ZNF713: variants seen among roughly 807,000 people sequenced by gnomAD.
ZNF713 encodes the protein zinc finger protein 713.
A neutral mutation model predicts 28.7 loss-of-function variants in ZNF713; 21 were observed. That is an observed-to-expected ratio of 0.73 (90% CI 0.52 to 1.05). The LOEUF (loss-of-function observed/expected upper bound fraction) is 1.05, where lower values mean the gene tolerates loss of function less well. ZNF713 is among the 50% of genes least tolerant of loss of function. The pLI is 0.00. For missense variants in ZNF713, 458 were observed against 532.4 expected, an observed-to-expected ratio of 0.86 and a Z score of 1.37; for synonymous variants, 167 against 178.0, an observed-to-expected ratio of 0.94 and a Z score of 0.49.
In ZNF713 at chr7:55,940,904, C is replaced by G. The variant is rs1425823394; in HGVS notation, c.*898C>G. The stretch of plus-strand genomic sequence containing the variant: ...GATCTCGGCTCACAGCAACCTCCAC[C>G]TCCTGGGTTCCAGCGATTCTTCTGC... On this transcript the variant is annotated 3_prime_UTR_variant, in exon 7 of 7. Coordinates refer to ENST00000429591, the MANE Select transcript of ZNF713 (RefSeq NM_182633.3). 6.9e-6 allele frequency: 1 copy of G among 144,842 alleles called. No individual in the cohort carries two copies. Among genetic ancestry groups the G allele is most frequent in the Non-Finnish European group, 1.5e-5 (1 of 66,214 alleles). 9.0% of individuals were successfully genotyped at this position (144,842 alleles called of 1,614,324 possible).
chr7:55,903,870 G>A (rs1404978440), intron 1 of ZNF713, among the ~76,000 whole-genome samples: 1 of 152,118 alleles, frequency 6.6e-6, no homozygotes, highest in African/African-American at 2.4e-5. Context: ...AGTAACTGCA[G>A]AGAGCAGAAA....
rs1786419649 is a variant in ZNF713, at chr7:55,939,457, T to G, written c.783T>G (p.Ser261Arg). 4 of 1,614,094 alleles carry G rather than the reference T, an allele frequency of 2.5e-6. No homozygotes were observed. The highest frequency in any genetic ancestry group is 3.4e-6 in the Non-Finnish European group (4 of 1,180,032). The change falls in exon 7 of 7, where the codon AGT becomes AGG. Residue 261 changes from serine to arginine, a missense_variant. Coordinates refer to ENST00000429591, the MANE Select transcript of ZNF713 (RefSeq NM_182633.3). ...ATATTCATACTGCAGAGAAACCCAG[T>G]GAGTGTGGGAAGGCCTTCAGCCACA... ...TDHIHTAEKP[S>R]ECGKAFSHTS...
chr7:55,899,413 C>T (rs1168991888), intron 1 of ZNF713, among the ~76,000 whole-genome samples: 1 of 97,762 alleles, frequency 1.0e-5, no homozygotes, highest in African/African-American at 4.0e-5. Context: ...GCCTGTAATC[C>T]CAGCACTTTG....
At chr7:55,917,704 C>CA (rs59443993) in intron 4 of ZNF713, among the ~76,000 whole-genome samples, 41,097 of 122,834 alleles carry the variant, frequency 0.33, 6,204 homozygotes, top group Middle Eastern at 0.45. Flanking sequence ...GACCCTGTCT[C>CA]AAAAAAAAAA....
chr7:55,929,594 A>C (rs1009018049), intron 6 of ZNF713, among the ~76,000 whole-genome samples: 1 of 152,162 alleles, frequency 6.6e-6, no homozygotes, highest in African/African-American at 2.4e-5. Flanking sequence ...TGAAACTATA[A>C]GAGATCTGGA....
intron 2 of ZNF713, among the ~76,000 whole-genome samples, chr7:55,909,565 T>C (rs1459730506): frequency 6.6e-6 from 1 of 152,224 alleles, no homozygotes; most frequent in Non-Finnish European, 1.5e-5. Context: ...TTGTTTCTAA[T>C]TCTGTGAAAA....
At chr7:55,929,290 C>T (rs999531054) in intron 6 of ZNF713, among the ~76,000 whole-genome samples, 3 of 151,966 alleles carry the variant, frequency 2.0e-5, no homozygotes, top group East Asian at 3.9e-4. Context: ...TTAAAATATA[C>T]AGTAAAATTT....
chr7:55,890,337 C>T (rs1037987887), intron 1 of ZNF713, among the ~76,000 whole-genome samples: 1 of 151,258 alleles, frequency 6.6e-6, no homozygotes, highest in Non-Finnish European at 1.5e-5. Flanking sequence ...GTAATCCCAG[C>T]AACTTGGGAA....
chr7:55,912,750 A>G, intron 4 of ZNF713, 27 bp downstream of exon 4: 1 of 1,580,342 alleles, frequency 6.3e-7, no homozygotes, highest in Non-Finnish European at 8.7e-7. Flanking sequence ...TCTCCTCTGA[A>G]ATGCCAGTGT....
rs139275645 is a variant in ZNF713 at position 55,920,756 on chromosome 7, CTTTATTTATTTATTTA to C, written c.88-2382_88-2367del. Among the ~76,000 whole-genome samples the C allele has an allele frequency of 2.9e-4, 43 of 149,034 alleles. No individual in the cohort carries two copies. The East Asian group carries it at 3.6e-3, about 12-fold the overall frequency. On this transcript the variant is annotated intron_variant, in intron 4 of 6. Coordinates refer to ENST00000429591, the MANE Select transcript of ZNF713 (RefSeq NM_182633.3). ...TATTGGAAGAAGATGCCATCTAGGA[CTTTATTTATTTATTTA>C]TTTATTTATTTATTTATTTATTTTT...
At chr7:55,936,041 G>A (rs1786338151) in intron 6 of ZNF713, among the ~76,000 whole-genome samples, 1 of 151,714 alleles carries the variant, frequency 6.6e-6, no homozygotes, top group South Asian at 2.1e-4. Flanking sequence ...GAGGCAGGTG[G>A]ATCATTTGAG....
In ZNF713 at chr7:55,939,217, G is replaced by A; in HGVS notation, c.543G>A (p.Glu181=). The change falls in exon 7 of 7, where the codon GAG becomes GAA. Residue 181 remains glutamate (E), a synonymous_variant. Coordinates refer to ENST00000429591, the MANE Select transcript of ZNF713 (RefSeq NM_182633.3). ...HKKITQERSL[E]CNKFAENCNL... ...AGATCACACAGGAGAGAAGCCTTGA[G>A]TGTAATAAATTTGCAGAAAACTGTA... The A allele has an allele frequency of 1.2e-6, 2 of 1,613,994 alleles. No individual in the cohort carries two copies. Among genetic ancestry groups the A allele is most frequent in the Non-Finnish European group, 1.7e-6 (2 of 1,179,982 alleles).
intron 6 of ZNF713, among the ~76,000 whole-genome samples, chr7:55,926,440 C>T (rs1226002035): frequency 9.9e-5 from 15 of 152,160 alleles, no homozygotes; most frequent in Admixed American, 8.5e-4. Context: ...GCAGCCTAAC[C>T]GTCTTCCCTA....
intron 6 of ZNF713, among the ~76,000 whole-genome samples, chr7:55,932,966 G>A (rs1404163602): frequency 1.3e-5 from 2 of 151,230 alleles, no homozygotes; most frequent in East Asian, 2.0e-4. Flanking sequence ...GACTGGGTGC[G>A]GTGGCTCACA....
chr7:55,904,302 A>AT (rs1785637861), intron 1 of ZNF713, among the ~76,000 whole-genome samples: 1 of 111,694 alleles, frequency 9.0e-6, no homozygotes, highest in South Asian at 2.6e-4. Context: ...CTTCTACTAA[A>AT]AATACAAAAA....
intron 1 of ZNF713, among the ~76,000 whole-genome samples, 168 bp downstream of exon 1, chr7:55,887,848 CGG>C (rs1381996597): frequency 1.2e-3 from 4 of 3,456 alleles, no homozygotes; most frequent in East Asian, 0.023. Flanking sequence ...CGGGCGGCGG[CGG>C]CGGCGGGCGG....
At chr7:55,934,353 T>C (rs1003485857) in intron 6 of ZNF713, among the ~76,000 whole-genome samples, 2 of 152,032 alleles carry the variant, frequency 1.3e-5, no homozygotes, top group Non-Finnish European at 2.9e-5. Flanking sequence ...AGCCCATAAA[T>C]ATATGGGGAA....
chr7:55,933,797 C>A (rs1283492221), intron 6 of ZNF713, among the ~76,000 whole-genome samples: 1 of 152,152 alleles, frequency 6.6e-6, no homozygotes, highest in Non-Finnish European at 1.5e-5. Context: ...CTCTGCCTCC[C>A]GGGCCCAAGC....
At chr7:55,909,831 A>G (rs914479533) in intron 2 of ZNF713, among the ~76,000 whole-genome samples, 1 of 152,110 alleles carries the variant, frequency 6.6e-6, no homozygotes, top group African/African-American at 2.4e-5. Flanking sequence ...TGGGAATGCT[A>G]TTGTAAATGG....
Sources: gnomAD v4.1 joint callset for allele counts (sites outside exome capture counted in the v4.1 genomes callset) on GRCh38, gnomAD v4.1.1 for gene constraint, MANE v1.5 for transcripts, NCBI Gene and HGNC (gene_info 2026-07-23, HGNC 2026-07-21) for gene names.